Variants in FAM204A observed in about 807,000 individuals in gnomAD.
FAM204A encodes the protein family with sequence similarity 204 member A, also known as protein FAM204A.
A neutral mutation model predicts 35.4 loss-of-function variants in FAM204A; 16 were observed. That is an observed-to-expected ratio of 0.45 (90% CI 0.31 to 0.69). The LOEUF (loss-of-function observed/expected upper bound fraction) is 0.69, where lower values mean the gene tolerates loss of function less well. FAM204A is among the 30% of genes least tolerant of loss of function. FAM204A has a pLI of 0.07. For missense variants in FAM204A, 240 were observed against 265.7 expected, an observed-to-expected ratio of 0.90 and a Z score of 0.67; for synonymous variants, 76 against 86.9, an observed-to-expected ratio of 0.88 and a Z score of 0.70.
At chr10:118,316,630 C>A (rs1467494441) in intron 7 of FAM204A, among the ~76,000 whole-genome samples, 1 of 152,128 alleles carries the variant, frequency 6.6e-6, no homozygotes, top group Non-Finnish European at 1.5e-5. Flanking sequence ...TTTATACCTA[C>A]AACTCCTATC....
intron 2 of FAM204A, among the ~76,000 whole-genome samples, chr10:118,339,681 C>T (rs1846443494): frequency 6.6e-6 from 1 of 152,096 alleles, no homozygotes; most frequent in Non-Finnish European, 1.5e-5. Context: ...ATCATTTTAG[C>T]CCCAAGGAAA....
intron 6 of FAM204A, 123 bp downstream of exon 6, chr10:118,334,991 C>G (rs559858976): frequency 3.1e-6 from 2 of 641,774 alleles, no homozygotes; most frequent in African/African-American, 1.8e-5. Flanking sequence ...TATCTAGCAC[C>G]CTTTTTGGTA....
chr10:118,306,723 C>T lies in FAM204A; in HGVS notation c.*4134G>A, dbSNP rs1198152770. 2.0e-5 allele frequency: 3 copies of T among 152,242 alleles called. No homozygotes were observed. The highest frequency in any genetic ancestry group is 7.2e-5 in the African/African-American group (3 of 41,474). The allele number at this position is 152,242 out of a possible 1,614,324, so 9.4% of individuals were successfully genotyped here. On this transcript the variant is annotated 3_prime_UTR_variant, in exon 9 of 9. Transcript: ENST00000369183. ...AGTAGGAGATAATAAAGAGACAACA[C>T]ACCTCATTTTAACAGTAGCACAAAA...
In FAM204A at chr10:118,307,082, T is replaced by C. The variant is rs894641171; in HGVS notation, c.*3775A>G. The C allele has an allele frequency of 2.0e-5, 3 of 152,206 alleles. No homozygotes were observed. Among genetic ancestry groups the C allele is most frequent in the Non-Finnish European group, 2.9e-5 (2 of 68,022 alleles). 9.4% of individuals were successfully genotyped at this position (152,206 alleles called of 1,614,324 possible). ...TTATTCTAACACATATTCTACTTTC[T>C]AGCATAAAGTCACCCACTAATTTAA... On this transcript the variant is annotated 3_prime_UTR_variant, in exon 9 of 9. Transcript: ENST00000369183.
At chr10:118,321,091 C>T (rs990103259) in intron 7 of FAM204A, among the ~76,000 whole-genome samples, 1 of 151,704 alleles carries the variant, frequency 6.6e-6, no homozygotes, top group African/African-American at 2.4e-5. Flanking sequence ...TGCCTCTGAG[C>T]AAAGGCTTTA....
At chr10:118,325,414 T>C (rs1354139639) in intron 7 of FAM204A, among the ~76,000 whole-genome samples, 3 of 150,506 alleles carry the variant, frequency 2.0e-5, no homozygotes, top group Non-Finnish European at 4.5e-5. Flanking sequence ...CACTATGGAG[T>C]AGTTAAAGTC....
rs1845915884 is a variant in FAM204A, at chr10:118,309,608, A to C, written c.*1249T>G. On this transcript the variant is annotated 3_prime_UTR_variant, in exon 9 of 9. Transcript: ENST00000369183. The stretch of plus-strand genomic sequence containing the variant: ...ACCTGCTTGTTTTATGATTTTCTGG[A>C]GCCCCTTTCCTGTCAGAACCAGGAA... The C allele has an allele frequency of 6.6e-6, 1 of 152,140 alleles. No individual in the cohort carries two copies. The highest frequency in any genetic ancestry group is 1.5e-5 in the Non-Finnish European group (1 of 68,028). 9.4% of individuals were successfully genotyped at this position (152,140 alleles called of 1,614,324 possible). A position where few individuals can be genotyped will look rare whatever the true frequency, so the allele number is the denominator to read the frequency against.
intron 7 of FAM204A, among the ~76,000 whole-genome samples, chr10:118,316,352 T>C (rs1297907483): frequency 6.6e-6 from 1 of 152,156 alleles, no homozygotes; most frequent in African/African-American, 2.4e-5. Context: ...TTATGTGCTC[T>C]AGTAAATTCA....
rs1464290174 is a variant in FAM204A at position 118,307,008 on chromosome 10, C to T, written c.*3849G>A. The T allele has an allele frequency of 6.6e-6, 1 of 152,142 alleles. No individual in the cohort carries two copies. Among genetic ancestry groups the T allele is most frequent in the Non-Finnish European group, 1.5e-5 (1 of 68,014 alleles). 9.4% of individuals were successfully genotyped at this position (152,142 alleles called of 1,614,324 possible). On this transcript the variant is annotated 3_prime_UTR_variant, in exon 9 of 9. Coordinates refer to ENST00000369183, the MANE Select transcript of FAM204A (RefSeq NM_022063.3). ...CCCAACCTCAAAAATGAAAAATGGACCTTATTGTCTCAGTATCCTACAAAG... is the reference window on the plus strand; with the variant it reads ...CCCAACCTCAAAAATGAAAAATGGATCTTATTGTCTCAGTATCCTACAAAG...
At chr10:118,312,622 T>C (rs1039426232) in intron 7 of FAM204A, among the ~76,000 whole-genome samples, 19 of 152,096 alleles carry the variant, frequency 1.2e-4, no homozygotes, top group African/African-American at 4.1e-4. Flanking sequence ...CGTAGACAAA[T>C]GGAAGGAAGC....
chr10:118,331,800 T>C (rs1208613570), intron 6 of FAM204A, among the ~76,000 whole-genome samples: 1 of 150,882 alleles, frequency 6.6e-6, no homozygotes, highest in Non-Finnish European at 1.5e-5. Flanking sequence ...GGTACTTTCA[T>C]ACATAAATGT....
At chr10:118,321,033 A>G (rs1360152706) in intron 7 of FAM204A, among the ~76,000 whole-genome samples, 1 of 151,898 alleles carries the variant, frequency 6.6e-6, no homozygotes, top group Non-Finnish European at 1.5e-5. Flanking sequence ...ATCAAAAATT[A>G]GTTTCACTTA....
chr10:118,333,592 T>A (rs192221464), intron 6 of FAM204A, among the ~76,000 whole-genome samples: 4 of 152,278 alleles, frequency 2.6e-5, no homozygotes, highest in African/African-American at 7.2e-5. Flanking sequence ...TATACTGAAC[T>A]ACCAAGAGAA....
chr10:118,325,361 G>A (rs1846182016), intron 7 of FAM204A, among the ~76,000 whole-genome samples: 2 of 152,064 alleles, frequency 1.3e-5, no homozygotes, highest in Admixed American at 1.3e-4. Flanking sequence ...AGTGTGGCCA[G>A]TAATTTACCC....
chr10:118,323,494 T>C (rs1777379967), intron 7 of FAM204A, among the ~76,000 whole-genome samples: 1 of 152,052 alleles, frequency 6.6e-6, no homozygotes, highest in South Asian at 2.1e-4. Flanking sequence ...CCAAATGAGG[T>C]AGATATTCAG....
rs1404614056 is a variant in FAM204A, at chr10:118,305,611, T to C, written c.*5246A>G. On this transcript the variant is annotated 3_prime_UTR_variant, in exon 9 of 9. Coordinates refer to ENST00000369183, the MANE Select transcript of FAM204A (RefSeq NM_022063.3). ...AAATTTTTAAGTCTACATTACTTCTTATATGTAGATTATGTCTTTGTATTC... is the reference window on the plus strand; with the variant it reads ...AAATTTTTAAGTCTACATTACTTCTCATATGTAGATTATGTCTTTGTATTC... 1 of 152,250 alleles carries C rather than the reference T, an allele frequency of 6.6e-6. No homozygotes were observed. The highest frequency in any genetic ancestry group is 1.5e-5 in the Non-Finnish European group (1 of 68,048). The allele number at this position is 152,250 out of a possible 1,614,324, so 9.4% of individuals were successfully genotyped here. A position where few individuals can be genotyped will look rare whatever the true frequency, so the allele number is the denominator to read the frequency against.
chr10:118,318,608 C>T (rs1371375723), intron 7 of FAM204A, among the ~76,000 whole-genome samples: 1 of 151,932 alleles, frequency 6.6e-6, no homozygotes, highest in South Asian at 2.1e-4. Context: ...TGGAATACAC[C>T]GCTCAGCTTT....
Position 118,299,199 on chromosome 10 carries a change from T to C in FAM204A, c.*11658A>G, listed in dbSNP as rs1441753589. On this transcript the variant is annotated 3_prime_UTR_variant, in exon 9 of 9. Coordinates refer to ENST00000369183, the MANE Select transcript of FAM204A (RefSeq NM_022063.3). ...CACTTTCATCTTCTCAGAAAATCTA[T>C]GGCTGAACTTTTCAGGTTCTTCCTT... is the stretch of plus-strand genomic sequence containing the variant. 3 of 152,300 alleles carry C rather than the reference T, an allele frequency of 2.0e-5. No homozygotes were observed. Among genetic ancestry groups the C allele is most frequent in the South Asian group, 4.1e-4 (2 of 4,828 alleles). The allele number at this position is 152,300 out of a possible 1,614,324, so 9.4% of individuals were successfully genotyped here. A position where few individuals can be genotyped will look rare whatever the true frequency, so the allele number is the denominator to read the frequency against.
chr10:118,335,386 T>C lies in FAM204A; in HGVS notation c.353+10A>G. 1 of 1,587,862 alleles carries C rather than the reference T, an allele frequency of 6.3e-7. No homozygotes were observed. Among genetic ancestry groups the C allele is most frequent in the Non-Finnish European group, 8.6e-7 (1 of 1,166,686 alleles). ...GCCTAAAATAGATAACTATTTTAAA[T>C]TCTACCTACCTATGTAATTCTTTTT... On this transcript the variant is annotated intron_variant, in intron 5 of 8. Transcript: ENST00000369183.
Sources: allele counts gnomAD v4.1 joint callset (sites outside exome capture counted in the v4.1 genomes callset), GRCh38; gene constraint gnomAD v4.1.1; transcripts MANE v1.5; gene names NCBI Gene and HGNC (gene_info 2026-07-23, HGNC 2026-07-21).